NUTM2F: variants seen among roughly 807,000 people sequenced by gnomAD.
The protein encoded by NUTM2F is NUT family member 2F.
NUTM2F carries 22 observed loss-of-function variants against 43.3 expected under a neutral mutation model. The ratio of observed to expected loss-of-function variants is 0.51; its 90% CI spans 0.36 to 0.73. The LOEUF is 0.73. NUTM2F is among the 30% of genes least tolerant of loss of function. NUTM2F has a pLI of 0.00. For missense variants in NUTM2F, 488 were observed against 927.4 expected, an observed-to-expected ratio of 0.53 and a Z score of 6.15; for synonymous variants, 202 against 389.0, an observed-to-expected ratio of 0.52 and a Z score of 5.66.
intron 2 of NUTM2F, among the ~76,000 whole-genome samples, chr9:94,323,207 G>A (rs1831401258): frequency 6.6e-6 from 1 of 151,892 alleles, no homozygotes; most frequent in African/African-American, 2.4e-5. Context: ...AAGAATCAGG[G>A]TCCCCAGTGC....
chr9:94,320,472 C>T lies in NUTM2F; in HGVS notation c.1104G>A (p.Glu368=), dbSNP rs774184310. 6.2e-7 allele frequency: 1 copy of T among 1,611,424 alleles called. No homozygotes were observed. The highest frequency in any genetic ancestry group is 8.5e-7 in the Non-Finnish European group (1 of 1,179,440). The change falls in exon 5 of 7, where the codon GAG becomes GAA. Residue 368 remains glutamate, a synonymous_variant. Coordinates refer to ENST00000253262, the MANE Select transcript of NUTM2F (RefSeq NM_017561.2). This position sits in a 1 kb window ranked among gnomAD's most constrained non-coding sequence, Gnocchi z 4.5. The part of the protein sequence containing the change: ...LPPPRPQRPA[E]TNAHLPPPRP... ...TGGGTGGTGGCAGGTGGGCGTTGGT[C>T]TCCGCTGGCCTCTGGGGCCTGGGTG...
At position 94,320,561 on chromosome 9, in the gene NUTM2F, G is replaced by A. The variant is rs1203241109; in HGVS notation, c.1015C>T (p.Pro339Ser). 2 of 1,609,548 alleles carry A rather than the reference G, an allele frequency of 1.2e-6. No homozygotes were observed. The highest frequency in any genetic ancestry group is 3.3e-5 in the Admixed American group (2 of 59,822). ...YLPSKDGPKA[P>S]TACLPPPRPQ... ...CTGGGTGGTGGCAGGCAGGCAGTCG[G>A]GGCCTTGGGGCCATCCTTGCTGGGA... The change falls in exon 5 of 7, where the codon CCG becomes TCG. Residue 339 changes from proline to serine, a missense_variant. Transcript: ENST00000253262. This position sits in a 1 kb window ranked among gnomAD's most constrained non-coding sequence, Gnocchi z 4.5.
chr9:94,326,262 G>A (rs1831451755), intron 1 of NUTM2F, among the ~76,000 whole-genome samples: 1 of 152,148 alleles, frequency 6.6e-6, no homozygotes, highest in Admixed American at 6.5e-5. Context: ...TCAGGGATGA[G>A]TCTCTCGGTG....
Position 94,320,348 on chromosome 9 carries a change from G to A in NUTM2F, c.1228C>T (p.Pro410Ser), listed in dbSNP as rs781603170. ...DIMEELLGSH[P>S]GDTGEPEGQR... The stretch of plus-strand genomic sequence containing the variant: ...CCCTCAGGCTCCCCTGTGTCCCCAG[G>A]GTGAGACCCCAGCAGCTCCTCCATG... Residue 410 changes from proline to serine, a missense_variant, in exon 5 of 7, where the codon CCT (proline) becomes TCT (serine). By Grantham distance (74) the Pro-to-Ser change is moderately conservative. Transcript: ENST00000253262. This position sits in a 1 kb window ranked among gnomAD's most constrained non-coding sequence, Gnocchi z 4.5. The A allele has an allele frequency of 5.6e-6, 9 of 1,613,532 alleles. No individual in the cohort carries two copies. Among genetic ancestry groups the A allele is most frequent in the South Asian group, 1.1e-5 (1 of 91,060 alleles).
At chr9:94,319,795 G>A (rs574123675) in intron 5 of NUTM2F, 66 bp from the exon 6 acceptor site, 83 of 1,596,242 alleles carry the variant, frequency 5.2e-5, no homozygotes, top group African/African-American at 1.2e-4. Flanking sequence ...AAGGACACCC[G>A]GAGGAGATGC....
chr9:94,324,485 AC>A (rs1418752949), intron 2 of NUTM2F, among the ~76,000 whole-genome samples: 1 of 148,870 alleles, frequency 6.7e-6, no homozygotes, highest in Non-Finnish European at 1.5e-5. Flanking sequence ...ACATGGTGAA[AC>A]CCCGTCTCTA....
At chr9:94,324,555 C>T (rs1260717662) in intron 2 of NUTM2F, among the ~76,000 whole-genome samples, 4 of 147,392 alleles carry the variant, frequency 2.7e-5, no homozygotes, top group South Asian at 2.2e-4. Flanking sequence ...CCCAGCTACT[C>T]GGGAGCCTGA....
Position 94,320,589 on chromosome 9 carries a change from G to GCC in NUTM2F, c.986_987insGG (p.Tyr329Ter). ...CCTTGGGGCCATCCTTGCTGGGAAG[G>GCC]TACACTGAGGCAGAGAGGGAGGAGG... ...PAPEVVKQPV[Y>*]LPSKDGPKAP... The change falls in exon 5 of 7, where the codon TAC becomes TAGGC. Residue 329 changes from tyrosine to a stop codon, truncating the protein, a stop_gained and frameshift_variant. Transcript: ENST00000253262. LOFTEE classifies it high-confidence loss of function. The surrounding 1 kb of genome is among the most constrained non-coding windows in gnomAD (Gnocchi z 4.5). 1 of 1,604,410 alleles carries GCC rather than the reference G, an allele frequency of 6.2e-7. No individual in the cohort carries two copies. The highest frequency in any genetic ancestry group is 2.2e-5 in the East Asian group (1 of 44,780).
At chr9:94,324,731 C>A (rs1831428201) in intron 2 of NUTM2F, among the ~76,000 whole-genome samples, 1 of 150,672 alleles carries the variant, frequency 6.6e-6, no homozygotes, top group Admixed American at 6.6e-5. Context: ...TGGCTCATGC[C>A]TGTAATCTCA....
At chr9:94,327,984 TAAATC>T (rs1369465572) in intron 1 of NUTM2F, among the ~76,000 whole-genome samples, 3 of 149,332 alleles carry the variant, frequency 2.0e-5, no homozygotes, top group Non-Finnish European at 4.5e-5. Flanking sequence ...CCACCCCTGT[TAAATC>T]AAAGCCAACA....
intron 1 of NUTM2F, among the ~76,000 whole-genome samples, chr9:94,326,538 G>A (rs1831454288): frequency 6.6e-6 from 1 of 152,130 alleles, no homozygotes; most frequent in Non-Finnish European, 1.5e-5. Context: ...ATCACCTGAG[G>A]TCAGGAGTTG....
At position 94,323,299 on chromosome 9, in the gene NUTM2F, G is replaced by A. The variant is rs1262598026; in HGVS notation, c.714-970C>T. 5.3e-5 allele frequency among the ~76,000 whole-genome samples: 8 copies of A among 152,308 alleles called. No individual in the cohort carries two copies. In the South Asian group the frequency reaches 6.2e-4, roughly 12 times the overall value. The stretch of plus-strand genomic sequence containing the variant: ...GACTGTTGGGGAGGAAGACGGGGCC[G>A]CCTTCACCTACACCCCAGGCAGGGG... On this transcript the variant is annotated intron_variant, in intron 2 of 6. Coordinates refer to ENST00000253262, the MANE Select transcript of NUTM2F (RefSeq NM_017561.2).
Position 94,322,309 on chromosome 9 carries a change from G to A in NUTM2F, c.734C>T (p.Ala245Val), listed in dbSNP as rs1274577941. 1 of 1,611,930 alleles carries A rather than the reference G, an allele frequency of 6.2e-7. No homozygotes were observed. The highest frequency in any genetic ancestry group is 2.2e-5 in the East Asian group (1 of 44,874). Residue 245 changes from alanine (A) to valine (V), a missense_variant, in exon 3 of 7, where the codon GCC (alanine) becomes GTC (valine). Coordinates refer to ENST00000253262, the MANE Select transcript of NUTM2F (RefSeq NM_017561.2). ...CAGCGTCATGGTGGGCTTCCGCCGG[G>A]CCAGGGATCGGAGAACTGGGCTGTA... Reference protein sequence around the residue: ...CFLIPVLRSLARRKPTMTLEE... With the variant: ...CFLIPVLRSLVRRKPTMTLEE...
rs1227382671 is a variant in NUTM2F at position 94,320,889 on chromosome 9, C to G, written c.982+204G>C. ...GGAGAGAGAAAGTAGGAAACTTGGCCCGGTCAATACCCTGCTTCGTGATCA... is the reference window on the plus strand; with the variant it reads ...GGAGAGAGAAAGTAGGAAACTTGGCGCGGTCAATACCCTGCTTCGTGATCA... On this transcript the variant is annotated intron_variant, in intron 4 of 6. Coordinates refer to ENST00000253262, the MANE Select transcript of NUTM2F (RefSeq NM_017561.2). This position sits in a 1 kb window ranked among gnomAD's most constrained non-coding sequence, Gnocchi z 4.5. Among the ~76,000 whole-genome samples, 3 of 152,136 alleles carry G rather than the reference C, an allele frequency of 2.0e-5. No homozygotes were observed. The highest frequency in any genetic ancestry group is 4.4e-5 in the Non-Finnish European group (3 of 68,018).
rs755071051 is a variant in NUTM2F at position 94,327,936 on chromosome 9, C to T, written c.16+672G>A. 2.3e-3 allele frequency among the ~76,000 whole-genome samples: 337 copies of T among 147,724 alleles called. 3 individuals are homozygous for T. The Middle Eastern group carries it at 0.031, about 14-fold the overall frequency. ...AAACAATTCAGAACAACTCAGGAAACCCAGGCCCTGTGTTGCCTGAACTTC... is the reference window on the plus strand; with the variant it reads ...AAACAATTCAGAACAACTCAGGAAATCCAGGCCCTGTGTTGCCTGAACTTC... On this transcript the variant is annotated intron_variant, in intron 1 of 6. Transcript: ENST00000253262.
At chr9:94,322,174 G>T (rs1831380650) in intron 3 of NUTM2F, 27 bp downstream of exon 3, 2 of 1,611,710 alleles carry the variant, frequency 1.2e-6, no homozygotes, top group Non-Finnish European at 1.7e-6. Flanking sequence ...CGCCACACGG[G>T]CCCTGCCCCC....
chr9:94,322,159 C>T (rs1317004719), intron 3 of NUTM2F, 42 bp downstream of exon 3: 7 of 1,611,444 alleles, frequency 4.3e-6, no homozygotes, highest in Admixed American at 3.3e-5. Context: ...CATTCACTCT[C>T]ACCCCGCCAC....
At chr9:94,323,159 C>G (rs1207478156) in intron 2 of NUTM2F, among the ~76,000 whole-genome samples, 1 of 151,992 alleles carries the variant, frequency 6.6e-6, no homozygotes, top group African/African-American at 2.4e-5. Context: ...CCACAGGAGC[C>G]AAGGCAAAGG....
At chr9:94,322,592 A>G (rs1470187739) in intron 2 of NUTM2F, among the ~76,000 whole-genome samples, 2 of 152,322 alleles carry the variant, frequency 1.3e-5, no homozygotes, top group East Asian at 1.9e-4. Context: ...TGGGTGGAAC[A>G]TGTGTGTCCC....
Sources: gnomAD v4.1 joint callset for allele counts (sites outside exome capture counted in the v4.1 genomes callset) on GRCh38, gnomAD v4.1.1 for gene constraint, Gnocchi (gnomAD v3.1) non-coding constraint, MANE v1.5 for transcripts, NCBI Gene and HGNC (gene_info 2026-07-23, HGNC 2026-07-21) for gene names.